MGLL: variants seen among roughly 807,000 people sequenced by gnomAD.
The protein encoded by MGLL is lysophospholipase homolog.
A neutral mutation model predicts 29.1 loss-of-function variants in MGLL; 7 were observed. The observed-to-expected ratio is 0.24, with a 90% CI of 0.14 to 0.45. MGLL has a LOEUF of 0.45. Ranked by LOEUF, MGLL falls within the 20% of genes least tolerant of loss-of-function variation. The pLI is 0.99. For missense variants in MGLL, 356 were observed against 413.6 expected, an observed-to-expected ratio of 0.86 and a Z score of 1.21; for synonymous variants, 148 against 168.3, an observed-to-expected ratio of 0.88 and a Z score of 0.93.
intron 3 of MGLL, among the ~76,000 whole-genome samples, chr3:127,749,235 T>G (rs2076510297): frequency 6.6e-6 from 1 of 152,228 alleles, no homozygotes; most frequent in Non-Finnish European, 1.5e-5. Flanking sequence ...CTCTTCTATT[T>G]ATTTATTAGT....
intron 3 of MGLL, among the ~76,000 whole-genome samples, chr3:127,741,832 G>A (rs1226906897): frequency 2.6e-5 from 4 of 152,176 alleles, no homozygotes; most frequent in African/African-American, 7.2e-5. Context: ...GATGCTGGGG[G>A]CTTAGAGTTG....
rs1044428818 is a variant in MGLL at position 127,761,205 on chromosome 3, C to T, written c.262+20584G>A. Among the ~76,000 whole-genome samples, 2 of 152,234 alleles carry T rather than the reference C, an allele frequency of 1.3e-5. No homozygotes were observed. The highest frequency in any genetic ancestry group is 2.4e-5 in the African/African-American group (1 of 41,454). On this transcript the variant is annotated intron_variant, in intron 3 of 7. Coordinates refer to ENST00000265052, the MANE Select transcript of MGLL (RefSeq NM_007283.7). The surrounding 1 kb of genome is among the most constrained non-coding windows in gnomAD (Gnocchi z 4.6). Reference sequence around the variant, plus strand: ...TAACGTACAATTCCCTGTGGCCATCCGGACCCTTCGCACTATCAAGGGGCC... The same window carrying T: ...TAACGTACAATTCCCTGTGGCCATCTGGACCCTTCGCACTATCAAGGGGCC...
At chr3:127,714,855 C>T (rs1481651452) in intron 5 of MGLL, among the ~76,000 whole-genome samples, 1 of 152,220 alleles carries the variant, frequency 6.6e-6, no homozygotes, top group Non-Finnish European at 1.5e-5. Flanking sequence ...ATCTGTAACT[C>T]CCTGTCTTCC....
chr3:127,781,444 A>C (rs3773160), intron 3 of MGLL, among the ~76,000 whole-genome samples: 141,111 of 152,010 alleles, frequency 0.93, 65,787 homozygotes, highest in Non-Finnish European at 0.97. Flanking sequence ...CTGACTACAC[A>C]ATGCCCATTT....
At chr3:127,816,060 C>A (rs1394136680) in intron 2 of MGLL, among the ~76,000 whole-genome samples, 1 of 152,214 alleles carries the variant, frequency 6.6e-6, no homozygotes, top group Non-Finnish European at 1.5e-5. Flanking sequence ...CCTGCAGAGA[C>A]TGACAGAGTG....
intron 3 of MGLL, among the ~76,000 whole-genome samples, chr3:127,723,904 C>T (rs965294431): frequency 6.6e-6 from 1 of 152,174 alleles, no homozygotes; most frequent in Non-Finnish European, 1.5e-5. Context: ...TCTTAAAAAA[C>T]ATGACTAAGT....
intron 2 of MGLL, among the ~76,000 whole-genome samples, chr3:127,809,791 A>G (rs2077630078): frequency 6.6e-6 from 1 of 152,148 alleles, no homozygotes; most frequent in South Asian, 2.1e-4. Context: ...TCTGCCCTTG[A>G]GCCAGGTGGC....
intron 2 of MGLL, among the ~76,000 whole-genome samples, chr3:127,798,642 G>C (rs1041612662): frequency 9.9e-5 from 15 of 152,102 alleles, no homozygotes; most frequent in African/African-American, 3.4e-4. Context: ...CCTGCCCCCA[G>C]TTTCCCCCAC....
chr3:127,741,376 G>A (rs923637638), intron 3 of MGLL, among the ~76,000 whole-genome samples: 6 of 152,220 alleles, frequency 3.9e-5, no homozygotes, highest in East Asian at 1.9e-4. Flanking sequence ...TGAGTGTGGC[G>A]CTGGATGCCA....
At chr3:127,754,815 C>T (rs540254591) in intron 3 of MGLL, among the ~76,000 whole-genome samples, 49 of 152,304 alleles carry the variant, frequency 3.2e-4, no homozygotes, top group Middle Eastern at 3.4e-3. Context: ...AGAGCGAGAA[C>T]GTCATCAGAG....
intron 3 of MGLL, among the ~76,000 whole-genome samples, chr3:127,762,853 G>A (rs72626376): frequency 0.14 from 21,700 of 152,204 alleles, 1,655 homozygotes; most frequent in East Asian, 0.27. Flanking sequence ...TCTACACCTA[G>A]GTACCATTAT....
intron 3 of MGLL, among the ~76,000 whole-genome samples, chr3:127,724,912 T>C (rs1167258734): frequency 1.3e-5 from 2 of 152,166 alleles, no homozygotes; most frequent in Non-Finnish European, 2.9e-5. Flanking sequence ...AAAATGGCCC[T>C]CTACGTTGGA....
At chr3:127,726,145 AAAG>A (rs1286477234) in intron 3 of MGLL, among the ~76,000 whole-genome samples, 1 of 26,634 alleles carries the variant, frequency 3.8e-5, no homozygotes, top group Non-Finnish European at 8.8e-5. Flanking sequence ...AGAAAGAAAG[AAAG>A]AAAGAAAGAA....
chr3:127,763,626 A>C (rs529480308), intron 3 of MGLL, among the ~76,000 whole-genome samples: 2 of 152,302 alleles, frequency 1.3e-5, no homozygotes, highest in East Asian at 3.9e-4. Context: ...GCTGAGGCCA[A>C]TCCAGCCCCT....
chr3:127,722,159 G>A (rs2075938804), intron 4 of MGLL, among the ~76,000 whole-genome samples: 1 of 152,212 alleles, frequency 6.6e-6, no homozygotes, highest in South Asian at 2.1e-4. Context: ...GCCTCACTAT[G>A]AAATGGCACC....
intron 2 of MGLL, among the ~76,000 whole-genome samples, chr3:127,788,467 T>C (rs1240898718): frequency 2.6e-5 from 4 of 152,152 alleles, no homozygotes; most frequent in Non-Finnish European, 5.9e-5. Context: ...TGTAATTAAA[T>C]AATAAGACAA....
chr3:127,814,330 C>A (rs1184027355), intron 2 of MGLL, among the ~76,000 whole-genome samples: 1 of 152,160 alleles, frequency 6.6e-6, no homozygotes, highest in Non-Finnish European at 1.5e-5. Flanking sequence ...ACCGCAGCAT[C>A]CCCACCCCCA....
chr3:127,721,239 C>T (rs1345307363), intron 4 of MGLL, 76 bp from the exon 5 acceptor site: 1 of 1,318,130 alleles, frequency 7.6e-7, no homozygotes, highest in Non-Finnish European at 1.1e-6. Flanking sequence ...ATGACCAATG[C>T]AGTCCTCTTA....
chr3:127,715,627 C>T (rs1167729331), intron 5 of MGLL: 2 of 455,126 alleles, frequency 4.4e-6, no homozygotes, highest in Non-Finnish European at 4.4e-6. Flanking sequence ...AAGAGCTAAG[C>T]AGAGGAAGTG....
Sources: gnomAD v4.1 joint callset for allele counts (sites outside exome capture counted in the v4.1 genomes callset) on GRCh38, gnomAD v4.1.1 for gene constraint, Gnocchi (gnomAD v3.1) non-coding constraint, MANE v1.5 for transcripts, NCBI Gene and HGNC (gene_info 2026-07-23, HGNC 2026-07-21) for gene names.